CDX1: variants seen among roughly 807,000 people sequenced by gnomAD.
CDX1 encodes caudal type homeobox 1.
In CDX1, 9 loss-of-function variants were observed where a neutral mutation model predicts 16.9. That is an observed-to-expected ratio of 0.53 (90% CI 0.32 to 0.93). The LOEUF (loss-of-function observed/expected upper bound fraction) is 0.93, where lower values mean the gene tolerates loss of function less well. Among genes scored for constraint, CDX1 ranks in the 40% least tolerant of loss-of-function variants. CDX1 has a pLI of 0.04. For missense variants in CDX1, 393 were observed against 386.1 expected (o/e 1.02, Z -0.15); for synonymous variants, 179 against 179.0 (o/e 1.00, Z 0.00).
intron 1 of CDX1, among the ~76,000 whole-genome samples, chr5:150,173,434 G>T (rs1265885439): frequency 6.6e-6 from 1 of 152,160 alleles, no homozygotes; most frequent in Non-Finnish European, 1.5e-5. Flanking sequence ...TGACATGGAA[G>T]CCTCCTTCTC....
intron 1 of CDX1, among the ~76,000 whole-genome samples, chr5:150,172,623 G>C (rs565622527): frequency 6.6e-6 from 1 of 152,310 alleles, no homozygotes; most frequent in Admixed American, 6.5e-5. Flanking sequence ...CAGGTTGGGG[G>C]GAAAGGAGGC....
Position 150,167,346 on chromosome 5 carries a change from G to C in CDX1, c.445+25G>C, listed in dbSNP as rs975937112. The C allele has an allele frequency of 5.7e-6, 7 of 1,238,756 alleles. No individual in the cohort carries two copies. In the East Asian group the frequency reaches 1.9e-4, roughly 33 times the overall value. The allele number at this position is 1,238,756 out of a possible 1,614,324, so 76.7% of individuals were successfully genotyped here. On this transcript the variant is annotated intron_variant, in intron 1 of 2. Transcript: ENST00000231656. ...GGTAAGGACCCTTCCCTCGCCCTGC[G>C]CCTCTGGACCTGCAGGTGCTCGGGC...
At chr5:150,167,935 G>A (rs1437454353) in intron 1 of CDX1, among the ~76,000 whole-genome samples, 2 of 152,214 alleles carry the variant, frequency 1.3e-5, no homozygotes, top group Non-Finnish European at 2.9e-5. Context: ...CGGGAGCAGT[G>A]GGAAGGGGGG....
chr5:150,171,550 A>G (rs1169182305), intron 1 of CDX1, among the ~76,000 whole-genome samples: 1 of 152,136 alleles, frequency 6.6e-6, no homozygotes, highest in African/African-American at 2.4e-5. Context: ...GTTAGCCAGG[A>G]TGGTCTCGAT....
In CDX1 at chr5:150,167,033, C is replaced by T. The variant is rs1761432187; in HGVS notation, c.157C>T (p.Pro53Ser). The T allele has an allele frequency of 1.4e-6, 2 of 1,427,886 alleles. No individual in the cohort carries two copies. The highest frequency in any genetic ancestry group is 1.8e-6 in the Non-Finnish European group (2 of 1,095,784). The allele number at this position is 1,427,886 out of a possible 1,614,324, so 88.5% of individuals were successfully genotyped here. A position where few individuals can be genotyped will look rare whatever the true frequency, so the allele number is the denominator to read the frequency against. ...PDFSSYSHVEPAPAPPTAWGA... is the reference protein window; with the variant it reads ...PDFSSYSHVESAPAPPTAWGA... ...CTTCTCCAGCTACTCTCACGTGGAG[C>T]CGGCCCCCGCGCCCCCGACGGCCTG... The change falls in exon 1 of 3, where the codon CCG (proline) becomes TCG (serine). Residue 53 changes from proline to serine, a missense_variant. Physicochemically the swap from Pro to Ser is moderately conservative, Grantham distance 74. Transcript: ENST00000231656.
intron 1 of CDX1, among the ~76,000 whole-genome samples, chr5:150,178,891 T>TGGGAC (rs1761605956): frequency 6.6e-6 from 1 of 152,172 alleles, no homozygotes; most frequent in East Asian, 1.9e-4. Context: ...CATACTGGGA[T>TGGGAC]ATATGGGGTT....
intron 1 of CDX1, among the ~76,000 whole-genome samples, chr5:150,169,116 G>A (rs920116482): frequency 2.0e-5 from 3 of 152,132 alleles, no homozygotes; most frequent in Non-Finnish European, 4.4e-5. Flanking sequence ...GGAGATGAAT[G>A]GGGAGGTTCC....
At chr5:150,181,071 G>A (rs1158273948) in intron 1 of CDX1, among the ~76,000 whole-genome samples, 4 of 152,138 alleles carry the variant, frequency 2.6e-5, no homozygotes, top group African/African-American at 9.7e-5. Context: ...TCCTGTCCCA[G>A]ACAGAGGAAA....
intron 1 of CDX1, among the ~76,000 whole-genome samples, chr5:150,180,572 C>A (rs1298538490): frequency 2.0e-5 from 3 of 152,072 alleles, no homozygotes; most frequent in Non-Finnish European, 4.4e-5. Context: ...GAGGGACAGG[C>A]AGGGCCAGGG....
At chr5:150,167,762 A>ACT (rs1284643031) in intron 1 of CDX1, among the ~76,000 whole-genome samples, 2 of 152,224 alleles carry the variant, frequency 1.3e-5, no homozygotes, top group Non-Finnish European at 2.9e-5. Flanking sequence ...AGGGCAGGTG[A>ACT]CTTTCCTGGC....
At chr5:150,168,087 C>G (rs1477801579) in intron 1 of CDX1, among the ~76,000 whole-genome samples, 1 of 152,200 alleles carries the variant, frequency 6.6e-6, no homozygotes, top group East Asian at 1.9e-4. Flanking sequence ...TGGGTCCCCC[C>G]TTTGTCATGC....
At position 150,183,841 on chromosome 5, in the gene CDX1, A is replaced by G; in HGVS notation, c.*161A>G. On this transcript the variant is annotated 3_prime_UTR_variant, in exon 3 of 3. Transcript: ENST00000231656. Reference sequence around the variant, plus strand: ...CTGCATCCCCTTGGCCCATCTGTGCAGTAAGCCTGTTGGATAAAGACCTTC... The same window carrying G: ...CTGCATCCCCTTGGCCCATCTGTGCGGTAAGCCTGTTGGATAAAGACCTTC... 1 of 509,658 alleles carries G rather than the reference A, an allele frequency of 2.0e-6. No individual in the cohort carries two copies. 31.6% of individuals were successfully genotyped at this position (509,658 alleles called of 1,614,324 possible).
chr5:150,169,015 G>A (rs1044432498), intron 1 of CDX1, among the ~76,000 whole-genome samples: 1 of 152,176 alleles, frequency 6.6e-6, no homozygotes. Flanking sequence ...TCAGGATCCT[G>A]CAGTTCCCAG....
intron 2 of CDX1, among the ~76,000 whole-genome samples, chr5:150,183,160 G>A (rs933365957): frequency 3.3e-5 from 5 of 152,216 alleles, no homozygotes; most frequent in African/African-American, 9.6e-5. Context: ...TATTATTAGT[G>A]CTGTAGGAGG....
At chr5:150,173,372 G>T (rs1241205161) in intron 1 of CDX1, among the ~76,000 whole-genome samples, 1 of 152,156 alleles carries the variant, frequency 6.6e-6, no homozygotes, top group African/African-American at 2.4e-5. Flanking sequence ...CTCCCTGCCT[G>T]GGGGCCTTTG....
At chr5:150,181,302 C>G (rs901372979) in intron 1 of CDX1, among the ~76,000 whole-genome samples, 1 of 152,216 alleles carries the variant, frequency 6.6e-6, no homozygotes, top group Non-Finnish European at 1.5e-5. Flanking sequence ...GAGTCTCACT[C>G]GATCACCCAG....
Position 150,166,962 on chromosome 5 carries a change from C to A in CDX1, c.86C>A (p.Ala29Asp). The A allele has an allele frequency of 6.8e-7, 1 of 1,474,566 alleles. No homozygotes were observed. 91.3% of individuals were successfully genotyped at this position (1,474,566 alleles called of 1,614,324 possible). ...GCCAGCCTCGGCCTGGGCCCGCAAGCCTACGGCCCCCCGGCCCCGCCCCCG... is the reference window on the plus strand; with the variant it reads ...GCCAGCCTCGGCCTGGGCCCGCAAGACTACGGCCCCCCGGCCCCGCCCCCG... The part of the protein sequence containing the change: ...RPASLGLGPQ[A>D]YGPPAPPPAP... Residue 29 changes from alanine to aspartate, a missense_variant, in exon 1 of 3, where the codon GCC becomes GAC. Coordinates refer to ENST00000231656, the MANE Select transcript of CDX1 (RefSeq NM_001804.3).
chr5:150,181,513 G>A (rs1261380648), intron 1 of CDX1, among the ~76,000 whole-genome samples: 2 of 152,176 alleles, frequency 1.3e-5, no homozygotes, highest in Admixed American at 6.5e-5. Context: ...CTGACCTCAC[G>A]TGATCCACCT....
At position 150,167,055 on chromosome 5, in the gene CDX1, C is replaced by T. The variant is rs1761432914; in HGVS notation, c.179C>T (p.Ala60Val). The change falls in exon 1 of 3, where the codon GCC becomes GTC. Residue 60 changes from alanine (A) to valine (V), a missense_variant. Physicochemically the swap from Ala to Val is moderately conservative, Grantham distance 64. Coordinates refer to ENST00000231656, the MANE Select transcript of CDX1 (RefSeq NM_001804.3). Reference protein sequence around the residue: ...HVEPAPAPPTAWGAPFPAPKD... With the variant: ...HVEPAPAPPTVWGAPFPAPKD... The stretch of plus-strand genomic sequence containing the variant: ...GAGCCGGCCCCCGCGCCCCCGACGG[C>T]CTGGGGGGCGCCCTTCCCTGCGCCC... The T allele has an allele frequency of 1.4e-6, 2 of 1,427,884 alleles. No individual in the cohort carries two copies. The highest frequency in any genetic ancestry group is 1.5e-5 in the African/African-American group (1 of 66,936). The allele number at this position is 1,427,884 out of a possible 1,614,324, so 88.5% of individuals were successfully genotyped here.
Sources: allele counts gnomAD v4.1 joint callset (sites outside exome capture counted in the v4.1 genomes callset), GRCh38; gene constraint gnomAD v4.1.1; transcripts MANE v1.5; gene names NCBI Gene and HGNC (gene_info 2026-07-23, HGNC 2026-07-21).